The following GPLD1 variants were observed in gnomAD, a reference collection of about 807,000 sequenced individuals.
GPLD1 encodes the protein glycosylphosphatidylinositol specific phospholipase D1.
A neutral mutation model predicts 112.6 loss-of-function variants in GPLD1; 84 were observed. The ratio of observed to expected loss-of-function variants is 0.75; its 90% CI spans 0.63 to 0.89. The LOEUF is 0.89. Ranked by LOEUF, GPLD1 falls within the 40% of genes least tolerant of loss-of-function variation. GPLD1 has a pLI of 0.00. For synonymous variants in GPLD1, 386 were observed against 403.8 expected (o/e 0.96, Z 0.53); for missense variants, 1,044 against 1,051.5 (o/e 0.99, Z 0.10).
chr6:24,439,934 C>G (rs1363052370), intron 20 of GPLD1, among the ~76,000 whole-genome samples: 1 of 152,122 alleles, frequency 6.6e-6, no homozygotes, highest in East Asian at 1.9e-4. Flanking sequence ...TAATTTCTGC[C>G]ACGAGCACTA....
rs752734912 is a variant in GPLD1 at position 24,489,426 on chromosome 6, T to C, written c.86A>G (p.His29Arg). ...ACACCAGTACTTACCTATTTCTACG[T>C]GTGTTGAAAGGCCACACGGTGAACC... ...HRGSPCGLST[H>R]VEIGHRALEF... The change falls in exon 1 of 25, where the codon CAC becomes CGC. Residue 29 changes from histidine to arginine, a missense_variant. Transcript: ENST00000230036. 3.2e-5 allele frequency: 51 copies of C among 1,605,962 alleles called. No individual in the cohort carries two copies. Among genetic ancestry groups the C allele is most frequent in the Non-Finnish European group, 3.5e-5 (41 of 1,172,754 alleles).
intron 13 of GPLD1, among the ~76,000 whole-genome samples, chr6:24,454,942 A>G (rs1763219833): frequency 6.6e-6 from 1 of 152,184 alleles, no homozygotes; most frequent in Non-Finnish European, 1.5e-5. Context: ...CAGCCTGGCC[A>G]AGACAGTGAA....
Position 24,449,861 on chromosome 6 carries a change from G to C in GPLD1, c.1374C>G (p.Asp458Glu), listed in dbSNP as rs200250768. Residue 458 changes from aspartate (D) to glutamate (E), a missense_variant, in exon 15 of 25, where the codon GAC becomes GAG. Asp to Glu is a conservative substitution (Grantham distance 45, BLOSUM62 2). Coordinates refer to ENST00000230036, the MANE Select transcript of GPLD1 (RefSeq NM_001503.4). The part of the protein sequence containing the change: ...GRFGSALAVL[D>E]FNVDGVPDLA... Reference sequence around the variant, plus strand: ...GGTCAGGCACGCCGTCCACGTTAAAGTCCAACACAGCCAAGGCCGAGCCAA... The same window carrying C: ...GGTCAGGCACGCCGTCCACGTTAAACTCCAACACAGCCAAGGCCGAGCCAA... 2 of 1,613,974 alleles carry C rather than the reference G, an allele frequency of 1.2e-6. No homozygotes were observed. Among genetic ancestry groups the C allele is most frequent in the Middle Eastern group, 1.7e-4 (1 of 6,058 alleles).
intron 1 of GPLD1, chr6:24,494,786 T>G: frequency 1.3e-5 from 6 of 475,046 alleles, no homozygotes; most frequent in Non-Finnish European, 1.6e-5. Flanking sequence ...CGCGCGGCGC[T>G]TAGGGCAAGG....
chr6:24,460,141 T>A, intron 12 of GPLD1, 138 bp downstream of exon 12: 2 of 949,330 alleles, frequency 2.1e-6, no homozygotes, highest in Non-Finnish European at 3.3e-6. Context: ...CAAGGGATCC[T>A]CTCAACTCAG....
rs780088349 is a variant in GPLD1, at chr6:24,448,133, C to CGTA, written c.1521_1521+1insTAC (p.Gln507_Asp508insTyr). ...GCACCTGGCTAAAGTGGTAAACATA[C>CGTA]CTGGCAAGAAATGGTGATGTTAGGG... is the stretch of plus-strand genomic sequence containing the variant. On this transcript the variant is annotated inframe_insertion and splice_region_variant. Coordinates refer to ENST00000230036, the MANE Select transcript of GPLD1 (RefSeq NM_001503.4). The CGTA allele has an allele frequency of 3.1e-6, 5 of 1,611,766 alleles. No individual in the cohort carries two copies. In the South Asian group the frequency reaches 5.5e-5, roughly 18 times the overall value.
At position 24,433,220 on chromosome 6, in the gene GPLD1, C is replaced by T. The variant is rs371632113; in HGVS notation, c.2403G>A (p.Gly801=). 4 of 1,613,342 alleles carry T rather than the reference C, an allele frequency of 2.5e-6. No individual in the cohort carries two copies. The highest frequency in any genetic ancestry group is 3.4e-6 in the Non-Finnish European group (4 of 1,179,302). Residue 801 remains glycine (G), a synonymous_variant, in exon 24 of 25, where the codon GGG becomes GGA. Coordinates refer to ENST00000230036, the MANE Select transcript of GPLD1 (RefSeq NM_001503.4). ...LISPEASSRF[G]SSLITVRSKA... is the part of the protein sequence containing the mutation. ...TGGACCTCACGGTGATGAGGGAGCT[C>T]CCAAACCTTGAGCTGGCCTGTAAAA...
At position 24,485,045 on chromosome 6, in the gene GPLD1, G is replaced by C. The variant is rs80162501; in HGVS notation, c.153+1030C>G. On this transcript the variant is annotated intron_variant, in intron 2 of 24. Transcript: ENST00000230036. ...ATCAGAATGTGTTCATTTGAAGATG[G>C]GTAAAGGTGAGTCATGAGCTAGTCC... 4.6e-3 allele frequency among the ~76,000 whole-genome samples: 699 copies of C among 152,278 alleles called. 7 individuals are homozygous for C. Among genetic ancestry groups the C allele is most frequent in the African/African-American group, 0.016 (646 of 41,546 alleles).
chr6:24,462,129 T>C (rs1763457592), intron 11 of GPLD1, among the ~76,000 whole-genome samples: 1 of 152,120 alleles, frequency 6.6e-6, no homozygotes. Context: ...TAATACTAAC[T>C]ACATTTCTTC....
intron 20 of GPLD1, among the ~76,000 whole-genome samples, chr6:24,440,370 G>A (rs1581735448): frequency 6.6e-6 from 1 of 151,972 alleles, no homozygotes; most frequent in Non-Finnish European, 1.5e-5. Flanking sequence ...CTTGACCTCA[G>A]GTGTTCAAGG....
chr6:24,434,308 G>C (rs1270466129), intron 22 of GPLD1, among the ~76,000 whole-genome samples: 1 of 151,842 alleles, frequency 6.6e-6, no homozygotes, highest in Non-Finnish European at 1.5e-5. Context: ...TGAGGCAGGA[G>C]AATCGCTTGA....
upstream of GPLD1, among the ~76,000 whole-genome samples, chr6:24,494,232 T>C (rs1397567128): frequency 6.6e-6 from 1 of 152,236 alleles, no homozygotes; most frequent in Admixed American, 6.5e-5. Flanking sequence ...ATGAGCATTT[T>C]ACGTTATCTC....
intron 6 of GPLD1, 118 bp from the exon 7 acceptor site, chr6:24,472,754 G>T: frequency 5.2e-5 from 33 of 635,294 alleles, no homozygotes; most frequent in South Asian, 1.4e-4. Flanking sequence ...ACATGTTTTT[G>T]TTCATTGTTT....
rs909989673 is a variant in GPLD1, at chr6:24,446,922, C to A, written c.1736G>T (p.Trp579Leu). The change falls in exon 18 of 25, where the codon TGG becomes TTG. Residue 579 changes from tryptophan (W) to leucine (L), a missense_variant. Physicochemically the swap from Trp to Leu is moderately conservative, Grantham distance 61 (BLOSUM62 -2). Transcript: ENST00000230036. ...WTVRGEEDFS[W>L]FGYSLHGVTV... Reference sequence around the variant, plus strand: ...GACACCGTGAAGGGAATATCCAAACCAGGAGAAGTCTTCCTCGCCTCTCAC... The same window carrying A: ...GACACCGTGAAGGGAATATCCAAACAAGGAGAAGTCTTCCTCGCCTCTCAC... 1.8e-5 allele frequency: 29 copies of A among 1,613,854 alleles called. No individual in the cohort carries two copies. Among genetic ancestry groups the A allele is most frequent in the Non-Finnish European group, 2.5e-5 (29 of 1,179,940 alleles).
rs376707570 is a variant in GPLD1 at position 24,489,526 on chromosome 6, C to T, written c.-15G>A. 15 of 1,613,990 alleles carry T rather than the reference C, an allele frequency of 9.3e-6. No individual in the cohort carries two copies. The African/African-American group carries it at 1.9e-4, about 20-fold the overall frequency. On this transcript the variant is annotated 5_prime_UTR_variant, in exon 1 of 25. It adds an upstream start codon to the 5' untranslated region. Transcript: ENST00000230036. ...AAAGCAGACATGATCTCATTGCCCACCGGCTTCTCTGGTGACGTGGGAATG... is the reference window on the plus strand; with the variant it reads ...AAAGCAGACATGATCTCATTGCCCATCGGCTTCTCTGGTGACGTGGGAATG...
intron 14 of GPLD1, among the ~76,000 whole-genome samples, chr6:24,453,699 CGTGTGTGT>C (rs59607870): frequency 0.27 from 41,369 of 150,462 alleles, 6,907 homozygotes; most frequent in Middle Eastern, 0.42. Context: ...ACATACATTT[CGTGTGTGT>C]GTGTGTGTGT....
chr6:24,444,353 T>C (rs890614236), intron 20 of GPLD1, among the ~76,000 whole-genome samples: 2 of 152,016 alleles, frequency 1.3e-5, no homozygotes, highest in Non-Finnish European at 2.9e-5. Flanking sequence ...GGCATGACAA[T>C]ATCATATATA....
Position 24,454,058 on chromosome 6 carries a change from A to C in GPLD1, c.1292T>G (p.Leu431Arg). Residue 431 changes from leucine to arginine, a missense_variant, in exon 14 of 25, where the codon CTG (leucine) becomes CGG (arginine). Coordinates refer to ENST00000230036, the MANE Select transcript of GPLD1 (RefSeq NM_001503.4). ...GNDLGLPPVD[L>R]DLDKEAHRIL... ...CCTGTGGGCCTCCTTGTCCAGGTCCAGGTCAACAGGTGGCAGGCCCAGGTC... is the reference window on the plus strand; with the variant it reads ...CCTGTGGGCCTCCTTGTCCAGGTCCCGGTCAACAGGTGGCAGGCCCAGGTC... 1 of 1,613,306 alleles carries C rather than the reference A, an allele frequency of 6.2e-7. No individual in the cohort carries two copies. Among genetic ancestry groups the C allele is most frequent in the Non-Finnish European group, 8.5e-7 (1 of 1,179,360 alleles).
At position 24,475,882 on chromosome 6, in the gene GPLD1, C is replaced by CCACA. The variant is rs66807337; in HGVS notation, c.330+295_330+298dup. On this transcript the variant is annotated intron_variant, in intron 4 of 24. Coordinates refer to ENST00000230036, the MANE Select transcript of GPLD1 (RefSeq NM_001503.4). ...GAAAAACACAAAAACAGAAACAAAA[C>CCACA]CACACACACACACACACAAAACCAT... Among the ~76,000 whole-genome samples, 11 of 150,940 alleles carry CCACA rather than the reference C, an allele frequency of 7.3e-5. 1 individual carries two copies. The highest frequency in any genetic ancestry group is 2.2e-4 in the African/African-American group (9 of 41,054).
Sources: allele counts gnomAD v4.1 joint callset (sites outside exome capture counted in the v4.1 genomes callset), GRCh38; gene constraint gnomAD v4.1.1; transcripts MANE v1.5; gene names NCBI Gene and HGNC (gene_info 2026-07-23, HGNC 2026-07-21).